DPY19L2: variants seen among roughly 807,000 people sequenced by gnomAD.
DPY19L2 encodes probable C-mannosyltransferase DPY19L2.
DPY19L2 carries 34 observed loss-of-function variants against 97.9 expected under a neutral mutation model. The observed-to-expected ratio is 0.35, with a 90% CI of 0.26 to 0.46. The LOEUF is 0.46. Ranked by LOEUF, DPY19L2 falls within the 20% of genes least tolerant of loss-of-function variation. DPY19L2 has a pLI of 1.00. For synonymous variants in DPY19L2, 230 were observed against 307.9 expected, an observed-to-expected ratio of 0.75 and a Z score of 2.65; for missense variants, 623 against 911.4, an observed-to-expected ratio of 0.68 and a Z score of 4.07.
chr12:63,663,869 T>G (rs781562192), intron 2 of DPY19L2, 24 bp from the exon 3 acceptor site: 23 of 1,517,576 alleles, frequency 1.5e-5, no homozygotes, highest in Non-Finnish European at 1.6e-5. Context: ...AAGTATCATA[T>G]TACAATAAGA....
At chr12:63,642,929 C>A (rs527312213) in intron 6 of DPY19L2, among the ~76,000 whole-genome samples, 2 of 152,152 alleles carry the variant, frequency 1.3e-5, no homozygotes, top group South Asian at 2.1e-4. Flanking sequence ...TTTTCCTAGA[C>A]ATATCTCAGG....
chr12:63,596,279 G>T, intron 14 of DPY19L2, among the ~76,000 whole-genome samples: 1 of 151,804 alleles, frequency 6.6e-6, no homozygotes. Context: ...AATAAAACTA[G>T]AATTGCTATA....
chr12:63,619,785 G>A (rs1263093319), intron 9 of DPY19L2, among the ~76,000 whole-genome samples: 19 of 152,244 alleles, frequency 1.2e-4, no homozygotes, highest in Admixed American at 7.8e-4. Flanking sequence ...GAGTACAGGC[G>A]TGAGCCATCA....
At chr12:63,579,192 T>C (rs531490496) in intron 19 of DPY19L2, among the ~76,000 whole-genome samples, 2 of 152,314 alleles carry the variant, frequency 1.3e-5, no homozygotes, top group African/African-American at 4.8e-5. Flanking sequence ...TTTAGCCTAC[T>C]ATACAGATTA....
At position 63,617,308 on chromosome 12, in the gene DPY19L2, G is replaced by A. The variant is rs906528996; in HGVS notation, c.1214C>T (p.Thr405Met). The part of the protein sequence containing the change: ...SSYYSSSLLM[T>M]WAIILKRNEI... ...CTTTATGAACTAAACACTTACCCAC[G>A]TCATTAACAAAGATGAAGAATAATA... The change falls in exon 11 of 22, where the codon ACG (threonine) becomes ATG (methionine). Residue 405 changes from threonine (T) to methionine (M), a missense_variant. Thr to Met is a moderately conservative substitution (Grantham distance 81, BLOSUM62 -1). Around this residue, in one of 6 missense-constraint regions of DPY19L2, gnomAD observed 294 missense variants for 446.2 expected, o/e 0.66. Transcript: ENST00000324472. 18 of 1,588,720 alleles carry A rather than the reference G, an allele frequency of 1.1e-5. No individual in the cohort carries two copies. The highest frequency in any genetic ancestry group is 3.4e-5 in the South Asian group (3 of 88,152).
intron 15 of DPY19L2, 65 bp downstream of exon 15, chr12:63,595,901 G>C: frequency 7.1e-7 from 1 of 1,416,680 alleles, no homozygotes; most frequent in Non-Finnish European, 9.5e-7. Context: ...GGAATTCTGA[G>C]CAATTTGCAT....
chr12:63,625,925 G>T (rs933765723), intron 7 of DPY19L2, among the ~76,000 whole-genome samples: 3 of 135,448 alleles, frequency 2.2e-5, no homozygotes, highest in African/African-American at 9.1e-5. Flanking sequence ...ATAAAAAGTT[G>T]AATATATATG....
chr12:63,668,513 G>A (rs1592797527), upstream of DPY19L2: 7 of 1,067,088 alleles, frequency 6.6e-6, no homozygotes, highest in East Asian at 1.6e-4. Flanking sequence ...AGCCGTTGCG[G>A]ACCTCCCGGT....
intron 11 of DPY19L2, among the ~76,000 whole-genome samples, chr12:63,616,783 G>C (rs535467673): frequency 6.6e-6 from 1 of 152,046 alleles, no homozygotes; most frequent in East Asian, 1.9e-4. Context: ...CAAAATAATC[G>C]GTCTTATGAC....
At chr12:63,668,517 T>C, upstream of DPY19L2, 1 of 1,010,194 alleles carries the variant, frequency 9.9e-7, no homozygotes, top group Non-Finnish European at 1.4e-6. Context: ...GTTGCGGACC[T>C]CCCGGTCGTC....
chr12:63,659,064 A>C (rs944880309), intron 4 of DPY19L2, among the ~76,000 whole-genome samples: 3 of 152,150 alleles, frequency 2.0e-5, no homozygotes, highest in African/African-American at 7.2e-5. Flanking sequence ...TTATACCTCA[A>C]TAAAGCTGTT....
In DPY19L2 at chr12:63,621,273, G is replaced by T. The variant is rs1371120175; in HGVS notation, c.1018C>A (p.Pro340Thr). 7 of 1,140,842 alleles carry T rather than the reference G, an allele frequency of 6.1e-6. No homozygotes were observed. The highest frequency in any genetic ancestry group is 7.7e-6 in the Non-Finnish European group (6 of 775,882). 70.7% of individuals were successfully genotyped at this position (1,140,842 alleles called of 1,614,324 possible). ...LCLSNVAFML[P>T]WQFAQFILFT... ...AGTATAAACTGAGCAAATTGCCAGGGAAGCATAAAAGCAACATTGGAAAGA... is the reference window on the plus strand; with the variant it reads ...AGTATAAACTGAGCAAATTGCCAGGTAAGCATAAAAGCAACATTGGAAAGA... The change falls in exon 9 of 22, where the codon CCC (proline) becomes ACC (threonine). Residue 340 changes from proline (P) to threonine (T), a missense_variant. By Grantham distance (38) the Pro-to-Thr change is conservative. This residue lies in a region of DPY19L2 where 7 missense variants were observed against 55.0 expected (regional missense o/e 0.13). Coordinates refer to ENST00000324472, the MANE Select transcript of DPY19L2 (RefSeq NM_173812.5).
intron 14 of DPY19L2, among the ~76,000 whole-genome samples, chr12:63,597,329 T>C (rs1002860424): frequency 2.6e-5 from 4 of 152,124 alleles, no homozygotes; most frequent in African/African-American, 9.7e-5. Flanking sequence ...ACCTTGCATT[T>C]GTATAATTTA....
chr12:63,654,629 G>A (rs1204134630), intron 4 of DPY19L2, among the ~76,000 whole-genome samples: 1 of 151,944 alleles, frequency 6.6e-6, no homozygotes, highest in Admixed American at 6.6e-5. Flanking sequence ...GTGAAAGGAT[G>A]GAAAATGATG....
chr12:63,626,315 C>A (rs576620045), intron 7 of DPY19L2, among the ~76,000 whole-genome samples, 154 bp downstream of exon 7: 40 of 151,808 alleles, frequency 2.6e-4, no homozygotes, highest in Admixed American at 2.0e-4. Context: ...ACATTTCAAT[C>A]AACATGCTTA....
chr12:63,581,479 CTT>C (rs71086686), intron 18 of DPY19L2, among the ~76,000 whole-genome samples: 46 of 91,820 alleles, frequency 5.0e-4, no homozygotes, highest in African/African-American at 1.7e-3. Context: ...CCAGGAAACT[CTT>C]TTTTTTTTTT....
intron 19 of DPY19L2, among the ~76,000 whole-genome samples, chr12:63,579,280 T>C (rs1880450695): frequency 6.6e-6 from 1 of 152,170 alleles, no homozygotes; most frequent in South Asian, 2.1e-4. Context: ...GATTTAAGCT[T>C]TCACTTATCC....
At chr12:63,575,399 T>G (rs1426197917) in intron 19 of DPY19L2, among the ~76,000 whole-genome samples, 2 of 151,642 alleles carry the variant, frequency 1.3e-5, no homozygotes, top group Non-Finnish European at 3.0e-5. Context: ...TCAATGATGC[T>G]TCTTAAAAAA....
intron 1 of DPY19L2, chr12:63,666,537 G>T (rs541148898): frequency 2.9e-5 from 13 of 445,950 alleles, no homozygotes; most frequent in Non-Finnish European, 5.8e-5. Flanking sequence ...TGCCCGTTTG[G>T]TTGGGGAACT....
Sources: gnomAD v4.1 joint callset for allele counts (sites outside exome capture counted in the v4.1 genomes callset) on GRCh38, gnomAD v4.1.1 for gene constraint, gnomAD v4.1.1 regional missense constraint, MANE v1.5 for transcripts, NCBI Gene and HGNC (gene_info 2026-07-23, HGNC 2026-07-21) for gene names.